The following SLCO2A1 variants were observed in gnomAD, a reference collection of about 807,000 sequenced individuals.
SLCO2A1 encodes the protein solute carrier organic anion transporter family member 2A1, also known as matrin F/G 1.
SLCO2A1 carries 60 observed loss-of-function variants against 71.7 expected under a neutral mutation model. That is an observed-to-expected ratio of 0.84 (90% CI 0.68 to 1.04). The LOEUF (loss-of-function observed/expected upper bound fraction) is 1.04, where lower values mean the gene tolerates loss of function less well. SLCO2A1 is among the 50% of genes least tolerant of loss of function. SLCO2A1 has a pLI of 0.00. For synonymous variants in SLCO2A1, 308 were observed against 326.7 expected (o/e 0.94, Z 0.62); for missense variants, 745 against 813.4 (o/e 0.92, Z 1.02).
intron 3 of SLCO2A1, chr3:133,955,465 G>C (rs1032542090): frequency 4.1e-6 from 2 of 486,250 alleles, no homozygotes; most frequent in Non-Finnish European, 7.4e-6. Flanking sequence ...TCTTCCTCTC[G>C]TGAGTGTCCA....
At chr3:133,963,815 A>AACATTCTGAATGTTCAGAATG (rs539304909) in intron 3 of SLCO2A1, among the ~76,000 whole-genome samples, 2,299 of 143,852 alleles carry the variant, frequency 0.016, 60 homozygotes, top group African/African-American at 0.05. Context: ...TTCCACTCTG[A>AACATTCTGAATGTTCAGAATG]AGGACTTATT....
intron 1 of SLCO2A1, among the ~76,000 whole-genome samples, chr3:134,029,500 A>T (rs1031457225): frequency 2.0e-5 from 3 of 149,668 alleles, no homozygotes; most frequent in Non-Finnish European, 4.4e-5. Flanking sequence ...TCGCACGCAC[A>T]CACACACGCT....
At chr3:133,998,414 C>T (rs1192023408) in intron 1 of SLCO2A1, among the ~76,000 whole-genome samples, 1 of 152,238 alleles carries the variant, frequency 6.6e-6, no homozygotes, top group Non-Finnish European at 1.5e-5. Flanking sequence ...CCCCCTGCTC[C>T]CACCCCTTGA....
chr3:133,968,590 C>T (rs1934246840), intron 3 of SLCO2A1, among the ~76,000 whole-genome samples: 1 of 152,246 alleles, frequency 6.6e-6, no homozygotes, highest in African/African-American at 2.4e-5. Flanking sequence ...ACAGTGCTCC[C>T]CTGCCCCTCC....
intron 6 of SLCO2A1, 138 bp downstream of exon 6, chr3:133,951,070 T>A: frequency 2.6e-6 from 3 of 1,155,512 alleles, no homozygotes; most frequent in South Asian, 1.2e-5. Context: ...CTCTGGGAAG[T>A]CCTGCATCAT....
intron 9 of SLCO2A1, 103 bp downstream of exon 9, chr3:133,947,153 C>G: frequency 1.0e-6 from 1 of 968,650 alleles, no homozygotes; most frequent in Non-Finnish European, 1.5e-6. Flanking sequence ...AAAAAGTGTA[C>G]AGCAAAGAAT....
At chr3:133,948,042 T>A (rs1172414310) in intron 8 of SLCO2A1, among the ~76,000 whole-genome samples, 1 of 152,310 alleles carries the variant, frequency 6.6e-6, no homozygotes, top group South Asian at 2.1e-4. Context: ...TCTGGTTTCG[T>A]TAACCTGGGA....
chr3:134,004,554 G>A (rs188101483), intron 1 of SLCO2A1, among the ~76,000 whole-genome samples: 1 of 152,274 alleles, frequency 6.6e-6, no homozygotes, highest in African/African-American at 2.4e-5. Context: ...GGCTGGTCTT[G>A]AACTCCTGAC....
rs58061655 is a variant in SLCO2A1 at position 134,014,095 on chromosome 3, G to C, written c.96+15612C>G. ...TGGAGCAGTTTTTAGACATAAACAA[G>C]TATGACTGATGTTTGGGTAAACAAA... is the stretch of plus-strand genomic sequence containing the variant. On this transcript the variant is annotated intron_variant, in intron 1 of 13. Coordinates refer to ENST00000310926, the MANE Select transcript of SLCO2A1 (RefSeq NM_005630.3). Among the ~76,000 whole-genome samples the C allele has an allele frequency of 8.0e-3, 1,212 of 152,200 alleles. 13 individuals are homozygous for C. The highest frequency in any genetic ancestry group is 0.025 in the African/African-American group (1,023 of 41,520).
chr3:133,948,922 G>T lies in SLCO2A1; in HGVS notation c.911C>A (p.Ser304Ter). The change falls in exon 7 of 14, where the codon TCA becomes TAA. Residue 304 changes from serine (S) to a stop codon, truncating the protein, a stop_gained. Transcript: ENST00000310926. LOFTEE classifies it high-confidence loss of function. ...AATGAAATCCACCAGGGAGCCTCTT[G>T]ACTTGGCCTCCTCCAACTTCCTTGC... is the stretch of plus-strand genomic sequence containing the variant. ...DEARKLEEAK[S>*]RGSLVDFIKR... 6.2e-7 allele frequency: 1 copy of T among 1,614,174 alleles called. No homozygotes were observed. The highest frequency in any genetic ancestry group is 1.1e-5 in the South Asian group (1 of 91,074).
At chr3:134,029,496 GCACACACACACGCT>G (rs1935775554) in intron 1 of SLCO2A1, among the ~76,000 whole-genome samples, 197 bp downstream of exon 1, 1 of 115,788 alleles carries the variant, frequency 8.6e-6, no homozygotes, top group Admixed American at 8.8e-5. Flanking sequence ...ACACTCGCAC[GCACACACACACGCT>G]CACACACACA....
chr3:133,940,813 G>A (rs1933402634), intron 11 of SLCO2A1, among the ~76,000 whole-genome samples: 1 of 152,224 alleles, frequency 6.6e-6, no homozygotes, highest in Admixed American at 6.5e-5. Flanking sequence ...CAGAATGCAA[G>A]GTCCTGACTA....
intron 1 of SLCO2A1, among the ~76,000 whole-genome samples, chr3:134,028,587 G>A (rs976822116): frequency 1.3e-5 from 2 of 152,138 alleles, no homozygotes; most frequent in African/African-American, 4.8e-5. Context: ...CCTTTCTGTT[G>A]GACACATATA....
chr3:133,956,643 C>A (rs1479739752), intron 3 of SLCO2A1, among the ~76,000 whole-genome samples: 1 of 152,234 alleles, frequency 6.6e-6, no homozygotes, highest in Non-Finnish European at 1.5e-5. Context: ...CATTATCCTG[C>A]CTTTCAATGC....
At position 133,951,229 on chromosome 3, in the gene SLCO2A1, T is replaced by C. The variant is rs6767412; in HGVS notation, c.840A>G (p.Arg280=). 340,227 of 1,613,548 alleles carry C rather than the reference T, an allele frequency of 0.21. 37,449 individuals are homozygous for C. The highest frequency in any genetic ancestry group is 0.32 in the Admixed American group (19,435 of 60,010). ...LTSFPFFFFP[R]AMPIGAKRAP... is the part of the protein sequence containing the mutation. ...TTACCTTTGCTCCTATGGGCATTGC[T>C]CGAGGGAAGAAAAAAAAGGGGAAAG... The change falls in exon 6 of 14, where the codon CGA becomes CGG. Residue 280 remains arginine (R), a synonymous_variant. Transcript: ENST00000310926.
rs1353271140 is a variant in SLCO2A1 at position 134,029,822 on chromosome 3, G to C, written c.-20C>G. ...CCCCATGGCTGCGGGCGGCTGGCCG[G>C]GCGCGGAGTGGCGCGGGGTCGGGGC... On this transcript the variant is annotated 5_prime_UTR_variant, in exon 1 of 14. Coordinates refer to ENST00000310926, the MANE Select transcript of SLCO2A1 (RefSeq NM_005630.3). The C allele has an allele frequency of 1.5e-6, 2 of 1,359,052 alleles. No individual in the cohort carries two copies. The highest frequency in any genetic ancestry group is 6.2e-5 in the East Asian group (2 of 32,094). 84.2% of individuals were successfully genotyped at this position (1,359,052 alleles called of 1,614,324 possible).
Position 134,014,451 on chromosome 3 carries a change from C to T in SLCO2A1, c.96+15256G>A, listed in dbSNP as rs932569652. Among the ~76,000 whole-genome samples the T allele has an allele frequency of 2.0e-5, 3 of 152,188 alleles. No individual in the cohort carries two copies. The East Asian group carries it at 5.8e-4, about 29-fold the overall frequency. ...ACTTCCTGCCTGGGTTTCATCTCCA[C>T]CCCTGGGCAAATTTAATCCATCCCA... is the stretch of plus-strand genomic sequence containing the variant. On this transcript the variant is annotated intron_variant, in intron 1 of 13. Coordinates refer to ENST00000310926, the MANE Select transcript of SLCO2A1 (RefSeq NM_005630.3).
At chr3:133,948,823 T>G in intron 7 of SLCO2A1, 70 bp downstream of exon 7, 1 of 1,588,968 alleles carries the variant, frequency 6.3e-7, no homozygotes, top group Non-Finnish European at 8.6e-7. Flanking sequence ...CCACAGGGGC[T>G]GGGGTCCCCC....
intron 1 of SLCO2A1, among the ~76,000 whole-genome samples, chr3:134,015,237 A>G: frequency 6.6e-6 from 1 of 152,246 alleles, no homozygotes; most frequent in Non-Finnish European, 1.5e-5. Flanking sequence ...GCATGTATAC[A>G]TATGGAATAT....
Sources: allele counts gnomAD v4.1 joint callset (sites outside exome capture counted in the v4.1 genomes callset), GRCh38; gene constraint gnomAD v4.1.1; transcripts MANE v1.5; gene names NCBI Gene and HGNC (gene_info 2026-07-23, HGNC 2026-07-21).